The following FANCC variants were observed in gnomAD, a reference collection of about 807,000 sequenced individuals.
FANCC encodes the protein FA complementation group C, also known as Fanconi anemia group C protein.
In FANCC, 55 loss-of-function variants were observed where a neutral mutation model predicts 71.3. That is an observed-to-expected ratio of 0.77 (90% CI 0.62 to 0.97). The LOEUF is 0.97. Among genes scored for constraint, FANCC ranks in the 50% least tolerant of loss-of-function variants. The pLI is 0.00. For synonymous variants in FANCC, 275 were observed against 244.9 expected (o/e 1.12, Z -1.15); for missense variants, 678 against 670.9 (o/e 1.01, Z -0.12).
At chr9:95,283,929 A>T (rs1378539584) in intron 1 of FANCC, among the ~76,000 whole-genome samples, 1 of 152,232 alleles carries the variant, frequency 6.6e-6, no homozygotes, top group Non-Finnish European at 1.5e-5. Context: ...TTATTTTGCC[A>T]GTCTATGCCT....
intron 13 of FANCC, 131 bp downstream of exon 13, chr9:95,111,332 A>G (rs1217279837): frequency 6.3e-7 from 1 of 1,597,772 alleles, no homozygotes; most frequent in Admixed American, 1.7e-5. Context: ...GCAGGTTGCC[A>G]TGACATATGC....
chr9:95,316,576 G>T (rs1835752008), intron 1 of FANCC, among the ~76,000 whole-genome samples: 1 of 152,156 alleles, frequency 6.6e-6, no homozygotes, highest in Non-Finnish European at 1.5e-5. Context: ...CATTAAATGG[G>T]GCACAAGTTA....
chr9:95,258,668 T>A (rs368072936), intron 1 of FANCC, among the ~76,000 whole-genome samples: 10 of 152,160 alleles, frequency 6.6e-5, no homozygotes, highest in African/African-American at 2.4e-4. Context: ...CTGTTCAACA[T>A]AGTATCGGAA....
chr9:95,254,227 G>A (rs142845800), intron 1 of FANCC, among the ~76,000 whole-genome samples: 256 of 152,344 alleles, frequency 1.7e-3, no homozygotes, highest in African/African-American at 4.1e-3. Flanking sequence ...GTATTTATAT[G>A]CTTTTCAATA....
rs769998628 is a variant in FANCC at position 95,171,086 on chromosome 9, G to A, written c.514C>T (p.Gln172Ter). 6.2e-7 allele frequency: 1 copy of A among 1,611,476 alleles called. No homozygotes were observed. The highest frequency in any genetic ancestry group is 8.5e-7 in the Non-Finnish European group (1 of 1,177,758). ...RENHLNGFNTQRRMAPERVAS... is the reference protein window; with the variant it reads ...RENHLNGFNT ...GTTTAGTTTAACACCTACCGCCTTT[G>A]AGTGTTAAATCCATTAAGATGATTC... Residue 172 changes from glutamine (Q) to a stop codon, truncating the protein, a stop_gained, in exon 6 of 15, where the codon CAA (glutamine) becomes TAA (stop). Coordinates refer to ENST00000289081, the MANE Select transcript of FANCC (RefSeq NM_000136.3). LOFTEE classifies it high-confidence loss of function.
intron 4 of FANCC, among the ~76,000 whole-genome samples, chr9:95,202,097 T>A (rs1827841676): frequency 6.6e-6 from 1 of 152,218 alleles, no homozygotes; most frequent in South Asian, 2.1e-4. Flanking sequence ...CCTAATAAGC[T>A]CATTGCCATG....
At chr9:95,304,953 C>A (rs953786769) in intron 1 of FANCC, among the ~76,000 whole-genome samples, 2 of 152,050 alleles carry the variant, frequency 1.3e-5, no homozygotes, top group Non-Finnish European at 2.9e-5. Flanking sequence ...GGCTTCAATT[C>A]TCCTTATTAG....
intron 4 of FANCC, among the ~76,000 whole-genome samples, chr9:95,214,844 G>C (rs1003274888): frequency 6.6e-6 from 1 of 152,212 alleles, no homozygotes; most frequent in South Asian, 2.1e-4. Flanking sequence ...TGCCGGGGCA[G>C]AGGAAATGGA....
chr9:95,232,313 A>G (rs1029084556), intron 4 of FANCC, among the ~76,000 whole-genome samples: 31 of 152,316 alleles, frequency 2.0e-4, no homozygotes, highest in African/African-American at 7.5e-4. Context: ...ACAATTCAAC[A>G]TGAGTTTTGG....
Position 95,274,358 on chromosome 9 carries a change from C to T in FANCC, c.-78-24989G>A, listed in dbSNP as rs145955289. Among the ~76,000 whole-genome samples, 897 of 152,280 alleles carry T rather than the reference C, an allele frequency of 5.9e-3. 5 individuals carry two copies. Among genetic ancestry groups the T allele is most frequent in the Non-Finnish European group, 9.7e-3 (658 of 68,022 alleles). On this transcript the variant is annotated intron_variant, in intron 1 of 14. Coordinates refer to ENST00000289081, the MANE Select transcript of FANCC (RefSeq NM_000136.3). The stretch of plus-strand genomic sequence containing the variant: ...GTCCCTGCAAAGGACATGAACTCAC[C>T]CTTTTTTATGGCTATATAGTATTCC...
chr9:95,294,708 C>T (rs780999370), intron 1 of FANCC: 105 of 1,599,926 alleles, frequency 6.6e-5, no homozygotes, highest in African/African-American at 9.4e-5. Context: ...CAACAATGGA[C>T]GACTTTCTTC....
At chr9:95,198,050 G>C (rs1014248497) in intron 4 of FANCC, among the ~76,000 whole-genome samples, 21 of 152,152 alleles carry the variant, frequency 1.4e-4, no homozygotes, top group Non-Finnish European at 2.4e-4. Context: ...TCCTAGGATG[G>C]GCAAAGGGCT....
chr9:95,220,365 T>C (rs1042675654), intron 4 of FANCC, among the ~76,000 whole-genome samples: 2 of 152,266 alleles, frequency 1.3e-5, no homozygotes, highest in Non-Finnish European at 2.9e-5. Context: ...ATCCCATTAC[T>C]GGGTATACAC....
chr9:95,134,146 G>A (rs1318541772), intron 8 of FANCC, among the ~76,000 whole-genome samples: 1 of 152,180 alleles, frequency 6.6e-6, no homozygotes, highest in African/African-American at 2.4e-5. Context: ...TATGCACATC[G>A]CCCTGGGAGG....
intron 1 of FANCC, among the ~76,000 whole-genome samples, chr9:95,291,123 G>A (rs1424457216): frequency 1.3e-5 from 2 of 152,118 alleles, no homozygotes; most frequent in Non-Finnish European, 2.9e-5. Flanking sequence ...TAACCATACC[G>A]ACTGGGGAAA....
intron 1 of FANCC, among the ~76,000 whole-genome samples, chr9:95,253,792 G>T (rs573203815): frequency 5.3e-5 from 8 of 151,954 alleles, no homozygotes; most frequent in Admixed American, 1.3e-4. Flanking sequence ...ATGGACCAGG[G>T]CGGGGGCAGG....
chr9:95,297,255 T>C (rs1834438397), intron 1 of FANCC, among the ~76,000 whole-genome samples: 2 of 152,248 alleles, frequency 1.3e-5, no homozygotes. Context: ...TCTAGGCATC[T>C]ACACTGACTT....
chr9:95,277,568 A>G lies in FANCC; in HGVS notation c.-78-28199T>C, dbSNP rs1833120920. Among the ~76,000 whole-genome samples the G allele has an allele frequency of 2.0e-5, 3 of 152,328 alleles. No individual in the cohort carries two copies. In the South Asian group the frequency reaches 6.2e-4, roughly 32 times the overall value. On this transcript the variant is annotated intron_variant, in intron 1 of 14. Coordinates refer to ENST00000289081, the MANE Select transcript of FANCC (RefSeq NM_000136.3). The stretch of plus-strand genomic sequence containing the variant: ...AAATTTATTGGCACTTGGGAACATC[A>G]ACAAACCCCAAATAAGATAAATGCA...
intron 4 of FANCC, among the ~76,000 whole-genome samples, chr9:95,229,215 T>C (rs1451701306): frequency 1.3e-5 from 2 of 151,178 alleles, no homozygotes. Flanking sequence ...GGAGAATCAC[T>C]TGAATACGGG....
Sources: gnomAD v4.1 joint callset for allele counts (sites outside exome capture counted in the v4.1 genomes callset) on GRCh38, gnomAD v4.1.1 for gene constraint, MANE v1.5 for transcripts, NCBI Gene and HGNC (gene_info 2026-07-23, HGNC 2026-07-21) for gene names.